GPC5: variants seen among roughly 807,000 people sequenced by gnomAD.
The protein encoded by GPC5 is glypican-5.
A neutral mutation model predicts 53.9 loss-of-function variants in GPC5; 47 were observed. The observed-to-expected ratio is 0.87, with a 90% CI of 0.69 to 1.11. The LOEUF (loss-of-function observed/expected upper bound fraction) is 1.11, where lower values mean the gene tolerates loss of function less well. GPC5 is among the 50% of genes most tolerant of loss of function. The pLI, the probability that GPC5 is intolerant of heterozygous loss-of-function variation, is 0.00. For synonymous variants in GPC5, 286 were observed against 263.3 expected, an observed-to-expected ratio of 1.09 and a Z score of -0.84; for missense variants, 748 against 713.1, an observed-to-expected ratio of 1.05 and a Z score of -0.56.
intron 7 of GPC5, among the ~76,000 whole-genome samples, chr13:92,502,082 T>C (rs1267407047): frequency 6.6e-6 from 1 of 152,080 alleles, no homozygotes; most frequent in Admixed American, 6.6e-5. Flanking sequence ...TGTTTGGTAA[T>C]ATATAGTAAT....
intron 6 of GPC5, among the ~76,000 whole-genome samples, chr13:92,103,440 C>A (rs766816804): frequency 6.6e-6 from 1 of 152,080 alleles, no homozygotes; most frequent in Non-Finnish European, 1.5e-5. Context: ...TATCTCACTT[C>A]TTTTAAACAA....
chr13:91,989,165 G>C (rs1188107913), intron 6 of GPC5, among the ~76,000 whole-genome samples: 4 of 152,088 alleles, frequency 2.6e-5, no homozygotes, highest in African/African-American at 7.2e-5. Flanking sequence ...GGGTAAGATG[G>C]GAAGTTCTTC....
In GPC5 at chr13:92,429,035, G is replaced by T. The variant is rs372989814; in HGVS notation, c.1561+284046G>T. Among the ~76,000 whole-genome samples the T allele has an allele frequency of 1.1e-3, 171 of 152,092 alleles. 3 individuals are homozygous for T. The South Asian group carries it at 0.023, about 20-fold the overall frequency. ...AAAATACTTTAGATATTAATTTCAT[G>T]CATTACAACAAATAAATCTTACATA... On this transcript the variant is annotated intron_variant, in intron 7 of 7. Transcript: ENST00000377067.
intron 2 of GPC5, among the ~76,000 whole-genome samples, chr13:91,625,962 CA>C (rs2033988153): frequency 6.6e-6 from 1 of 152,052 alleles, no homozygotes; most frequent in Admixed American, 6.6e-5. Context: ...TTTAGTCTTT[CA>C]ATTTCACTGA....
chr13:92,509,470 TTTC>T lies in GPC5; in HGVS notation c.1562-356809_1562-356807del, dbSNP rs1390362438. ...CTTGATAGCACATCTCCTCTTATAT[TTTC>T]TTATCTTTTTCTTATTTTTTCATTA... is the stretch of plus-strand genomic sequence containing the variant. On this transcript the variant is annotated intron_variant, in intron 7 of 7. Transcript: ENST00000377067. 7 of 152,194 alleles carry T rather than the reference TTTC, an allele frequency of 4.6e-5. No homozygotes were observed. In the East Asian group the frequency reaches 1.3e-3, roughly 29 times the overall value. 9.4% of individuals were successfully genotyped at this position (152,194 alleles called of 1,614,324 possible).
At chr13:92,237,208 T>G (rs190052253) in intron 7 of GPC5, among the ~76,000 whole-genome samples, 1 of 152,254 alleles carries the variant, frequency 6.6e-6, no homozygotes, top group Admixed American at 6.5e-5. Flanking sequence ...ATAAAAGGTC[T>G]TGTGTTTTAT....
At chr13:92,607,182 G>A (rs1029051747) in intron 7 of GPC5, among the ~76,000 whole-genome samples, 3 of 152,172 alleles carry the variant, frequency 2.0e-5, no homozygotes, top group South Asian at 2.1e-4. Flanking sequence ...TTGGTAAAAA[G>A]AGAAATTGGG....
chr13:92,517,212 C>A (rs919338930), intron 7 of GPC5, among the ~76,000 whole-genome samples: 5 of 152,150 alleles, frequency 3.3e-5, no homozygotes, highest in African/African-American at 1.2e-4. Context: ...CACTGCAGCT[C>A]AAGGAGGCCT....
chr13:91,440,181 C>G (rs940237720), intron 1 of GPC5, among the ~76,000 whole-genome samples: 1 of 152,046 alleles, frequency 6.6e-6, no homozygotes, highest in African/African-American at 2.4e-5. Flanking sequence ...TTTTACCAGC[C>G]CTGTTTTCTC....
At chr13:92,707,644 C>T (rs956779808) in intron 7 of GPC5, among the ~76,000 whole-genome samples, 3 of 151,802 alleles carry the variant, frequency 2.0e-5, no homozygotes, top group African/African-American at 7.3e-5. Context: ...AAAAAAAATG[C>T]ATGTGTACTA....
chr13:92,206,463 G>C (rs924091458), intron 7 of GPC5, among the ~76,000 whole-genome samples: 2 of 150,456 alleles, frequency 1.3e-5, no homozygotes, highest in African/African-American at 2.4e-5. Context: ...GCGGTGGCTG[G>C]AATGCAGCCA....
At chr13:92,076,768 C>G (rs2041255323) in intron 6 of GPC5, among the ~76,000 whole-genome samples, 1 of 152,144 alleles carries the variant, frequency 6.6e-6, no homozygotes, top group Non-Finnish European at 1.5e-5. Flanking sequence ...TGAAATGGTC[C>G]TGCAAAGCTG....
chr13:91,725,584 T>C (rs2036559813), intron 3 of GPC5, among the ~76,000 whole-genome samples: 1 of 152,230 alleles, frequency 6.6e-6, no homozygotes, highest in African/African-American at 2.4e-5. Flanking sequence ...TATGCTTTTA[T>C]CTTTGGATAC....
At chr13:92,294,016 C>A (rs999052938) in intron 7 of GPC5, among the ~76,000 whole-genome samples, 3 of 152,100 alleles carry the variant, frequency 2.0e-5, no homozygotes, top group African/African-American at 7.2e-5. Flanking sequence ...GTGTGTTAAA[C>A]CATTCTTGCA....
intron 7 of GPC5, among the ~76,000 whole-genome samples, chr13:92,247,953 CTT>C (rs914644088): frequency 1.3e-5 from 2 of 152,128 alleles, no homozygotes; most frequent in African/African-American, 4.8e-5. Context: ...TAAGACTACT[CTT>C]AACACATTTA....
In GPC5 at chr13:92,482,251, T is replaced by G. The variant is rs532179101; in HGVS notation, c.1561+337262T>G. ...AAAAATACATTTCAAACGTGTCTTATGTCCACATGTCCACAACCACCATTC... is the reference window on the plus strand; with the variant it reads ...AAAAATACATTTCAAACGTGTCTTAGGTCCACATGTCCACAACCACCATTC... On this transcript the variant is annotated intron_variant, in intron 7 of 7. Coordinates refer to ENST00000377067, the MANE Select transcript of GPC5 (RefSeq NM_004466.6). Among the ~76,000 whole-genome samples, 7 of 152,316 alleles carry G rather than the reference T, an allele frequency of 4.6e-5. No individual in the cohort carries two copies. In the East Asian group the frequency reaches 1.4e-3, roughly 29 times the overall value.
chr13:92,729,100 C>T (rs374538051), intron 7 of GPC5, among the ~76,000 whole-genome samples: 1 of 151,232 alleles, frequency 6.6e-6, no homozygotes, highest in Non-Finnish European at 1.5e-5. Flanking sequence ...ATTTTTTCCC[C>T]TATTCTCTTC....
chr13:92,605,748 C>G (rs1884233695), intron 7 of GPC5, among the ~76,000 whole-genome samples: 1 of 151,908 alleles, frequency 6.6e-6, no homozygotes, highest in African/African-American at 2.4e-5. Context: ...CGCCACCGCG[C>G]CCGGCTAACG....
chr13:91,983,298 A>T (rs1036566627), intron 6 of GPC5, among the ~76,000 whole-genome samples: 1 of 151,844 alleles, frequency 6.6e-6, no homozygotes, highest in African/African-American at 2.4e-5. Context: ...GTGAGCTGAG[A>T]TAGCGCCACT....
Sources: gnomAD v4.1 joint callset for allele counts (sites outside exome capture counted in the v4.1 genomes callset) on GRCh38, gnomAD v4.1.1 for gene constraint, MANE v1.5 for transcripts, NCBI Gene and HGNC (gene_info 2026-07-23, HGNC 2026-07-21) for gene names.